Variants in LRRC8D observed in about 807,000 individuals in gnomAD.
The protein encoded by LRRC8D is leucine rich repeat containing 8 VRAC subunit D.
LRRC8D carries 20 observed loss-of-function variants against 55.8 expected under a neutral mutation model. The ratio of observed to expected loss-of-function variants is 0.36; its 90% CI spans 0.25 to 0.52. The LOEUF is 0.52. Ranked by LOEUF, LRRC8D falls within the 20% of genes least tolerant of loss-of-function variation. LRRC8D has a pLI of 0.93. For missense variants in LRRC8D, 651 were observed against 1,030.8 expected (o/e 0.63, Z 5.05); for synonymous variants, 352 against 377.0 (o/e 0.93, Z 0.77).
In LRRC8D at chr1:89,911,724, C is replaced by T. The variant is rs1663137914; in HGVS notation, c.-2-21343C>T. 1.3e-5 allele frequency among the ~76,000 whole-genome samples: 2 copies of T among 152,178 alleles called. No individual in the cohort carries two copies. Among genetic ancestry groups the T allele is most frequent in the African/African-American group, 4.8e-5 (2 of 41,450 alleles). ...GCCAGACTTTTTCACCGAAAGTGCT[C>T]AGGCCAAAGTGTCAGGTGACTCTCA... On this transcript the variant is annotated intron_variant, in intron 2 of 2. Coordinates refer to ENST00000337338, the MANE Select transcript of LRRC8D (RefSeq NM_001134479.2). The surrounding 1 kb of genome is among the most constrained non-coding windows in gnomAD (Gnocchi z 4.0).
chr1:89,904,982 A>T (rs1662954527), intron 2 of LRRC8D, among the ~76,000 whole-genome samples: 1 of 126,910 alleles, frequency 7.9e-6, no homozygotes, highest in African/African-American at 2.5e-5. Flanking sequence ...ACGAATTTTT[A>T]CATGGAAGTA....
rs761536641 is a variant in LRRC8D, at chr1:89,935,705, C to T, written c.*60C>T. 6.3e-5 allele frequency: 92 copies of T among 1,463,184 alleles called. No homozygotes were observed. The African/African-American group carries it at 6.7e-4, about 11-fold the overall frequency. 90.6% of individuals were successfully genotyped at this position (1,463,184 alleles called of 1,614,324 possible). On this transcript the variant is annotated 3_prime_UTR_variant, in exon 3 of 3. Coordinates refer to ENST00000337338, the MANE Select transcript of LRRC8D (RefSeq NM_001134479.2). ...CAACTTCCTAGATTGCAAGTGCTCA[C>T]GTACAAGTTATTACAAGATAATGCA...
intron 2 of LRRC8D, among the ~76,000 whole-genome samples, chr1:89,857,382 C>CAA (rs759975883): frequency 1.6e-3 from 99 of 62,502 alleles, no homozygotes; most frequent in Admixed American, 2.5e-3. Context: ...AACTCCATCT[C>CAA]AAAAAAAAAA....
intron 2 of LRRC8D, among the ~76,000 whole-genome samples, chr1:89,868,201 G>A (rs1661900863): frequency 6.6e-6 from 1 of 152,166 alleles, no homozygotes; most frequent in Non-Finnish European, 1.5e-5. Context: ...CTAGTACCTT[G>A]TTTGGTGTCT....
chr1:89,893,958 G>A (rs771023465), intron 2 of LRRC8D, among the ~76,000 whole-genome samples: 4 of 152,230 alleles, frequency 2.6e-5, no homozygotes, highest in African/African-American at 7.2e-5. Flanking sequence ...TATGCTGGAA[G>A]CAGAGGGCTC....
At chr1:89,899,937 C>T (rs1300261147) in intron 2 of LRRC8D, among the ~76,000 whole-genome samples, 1 of 152,128 alleles carries the variant, frequency 6.6e-6, no homozygotes, top group African/African-American at 2.4e-5. Context: ...TTATTGCACC[C>T]CTTCCATGTG....
chr1:89,861,987 CAT>C (rs1661730543), intron 2 of LRRC8D, among the ~76,000 whole-genome samples: 1 of 152,154 alleles, frequency 6.6e-6, no homozygotes, highest in Admixed American at 6.5e-5. Context: ...AAAGGGGCAA[CAT>C]AAAACAGTTA....
chr1:89,845,939 G>A (rs980496344), intron 2 of LRRC8D, among the ~76,000 whole-genome samples: 5 of 151,866 alleles, frequency 3.3e-5, no homozygotes, highest in Admixed American at 6.6e-5. Context: ...GCACCACCTC[G>A]CTCAGCTAAT....
intron 1 of LRRC8D, among the ~76,000 whole-genome samples, chr1:89,836,247 A>G (rs185739653): frequency 7.9e-5 from 12 of 152,354 alleles, no homozygotes; most frequent in Admixed American, 2.6e-4. Context: ...AACATTTAAA[A>G]TACAATTTTT....
intron 1 of LRRC8D, among the ~76,000 whole-genome samples, chr1:89,823,399 T>C (rs954183805): frequency 5.3e-5 from 8 of 152,362 alleles, no homozygotes; most frequent in East Asian, 3.9e-4. Flanking sequence ...TTTTATATTA[T>C]GCAGCATTTT....
intron 2 of LRRC8D, among the ~76,000 whole-genome samples, chr1:89,928,015 T>C (rs1325180998): frequency 1.1e-4 from 17 of 152,222 alleles, no homozygotes; most frequent in Admixed American, 1.1e-3. Context: ...ATAAGACATA[T>C]TCTCTGCCTA....
intron 1 of LRRC8D, among the ~76,000 whole-genome samples, chr1:89,832,964 T>C (rs1436519030): frequency 6.6e-6 from 1 of 152,192 alleles, no homozygotes; most frequent in African/African-American, 2.4e-5. Flanking sequence ...CAAGGCTGGC[T>C]TCTCTAGTCT....
chr1:89,851,223 G>A (rs920225977), intron 2 of LRRC8D, among the ~76,000 whole-genome samples: 1 of 151,978 alleles, frequency 6.6e-6, no homozygotes, highest in Non-Finnish European at 1.5e-5. Flanking sequence ...GTACATTCCT[G>A]GTACGGCTTT....
At chr1:89,926,054 T>TC (rs1663556103) in intron 2 of LRRC8D, among the ~76,000 whole-genome samples, 1 of 152,262 alleles carries the variant, frequency 6.6e-6, no homozygotes, top group South Asian at 2.1e-4. Context: ...CCTTGCTATT[T>TC]CTTCAGTCAA....
At chr1:89,918,706 G>C (rs1663337729) in intron 2 of LRRC8D, among the ~76,000 whole-genome samples, 1 of 152,176 alleles carries the variant, frequency 6.6e-6, no homozygotes, top group African/African-American at 2.4e-5. Context: ...GCTTAATTAT[G>C]AGTCAAACTA....
At chr1:89,857,460 A>G (rs1661588452) in intron 2 of LRRC8D, among the ~76,000 whole-genome samples, 1 of 151,234 alleles carries the variant, frequency 6.6e-6, no homozygotes, top group Non-Finnish European at 1.5e-5. Flanking sequence ...AATTTTCTGT[A>G]TTATCTGATT....
At chr1:89,912,077 G>C (rs1352516025) in intron 2 of LRRC8D, among the ~76,000 whole-genome samples, 1 of 151,944 alleles carries the variant, frequency 6.6e-6, no homozygotes, top group African/African-American at 2.4e-5. Context: ...TAGGATTCAG[G>C]ACAACCAACT....
chr1:89,925,524 A>T (rs1368709298), intron 2 of LRRC8D, among the ~76,000 whole-genome samples: 1 of 152,214 alleles, frequency 6.6e-6, no homozygotes, highest in African/African-American at 2.4e-5. Flanking sequence ...TGATGGGATC[A>T]TTCATACATC....
intron 2 of LRRC8D, among the ~76,000 whole-genome samples, chr1:89,854,185 T>G (rs1661493808): frequency 6.6e-6 from 1 of 152,194 alleles, no homozygotes; most frequent in African/African-American, 2.4e-5. Flanking sequence ...TGAGAAAGTT[T>G]GTTCCTGATG....
Sources: allele counts gnomAD v4.1 joint callset (sites outside exome capture counted in the v4.1 genomes callset), GRCh38; gene constraint gnomAD v4.1.1; non-coding constraint Gnocchi (gnomAD v3.1); transcripts MANE v1.5; gene names NCBI Gene and HGNC (gene_info 2026-07-23, HGNC 2026-07-21).